The following ANKRD45 variants were observed in gnomAD, a reference collection of about 807,000 sequenced individuals.
The protein encoded by ANKRD45 is ankyrin repeat domain-containing protein 45.
In ANKRD45, 21 loss-of-function variants were observed where a neutral mutation model predicts 28.1. The ratio of observed to expected loss-of-function variants is 0.75; its 90% confidence interval spans 0.53 to 1.08. ANKRD45 has a LOEUF of 1.08. Ranked by LOEUF, ANKRD45 falls within the 50% of genes least tolerant of loss-of-function variation. The pLI, the probability that ANKRD45 is intolerant of heterozygous loss-of-function variation, is 0.00. For missense variants in ANKRD45, 261 were observed against 308.7 expected, an observed-to-expected ratio of 0.85 and a Z score of 1.16; for synonymous variants, 86 against 103.9, an observed-to-expected ratio of 0.83 and a Z score of 1.05.
intron 2 of ANKRD45, among the ~76,000 whole-genome samples, chr1:173,649,534 A>G (rs374102779): frequency 1.3e-5 from 2 of 151,944 alleles, no homozygotes; most frequent in Admixed American, 1.3e-4. Flanking sequence ...CTATTTTTCT[A>G]TTGGGTTGAA....
chr1:173,679,774 G>A, the ANKRD45 span, among the ~76,000 whole-genome samples: 3 of 152,156 alleles, frequency 2.0e-5, no homozygotes, highest in Admixed American at 2.0e-4. Flanking sequence ...CAGAATGGGA[G>A]AAAATTTTTG....
chr1:173,696,773 A>T, the ANKRD45 span, among the ~76,000 whole-genome samples: 12 of 152,172 alleles, frequency 7.9e-5, no homozygotes, highest in African/African-American at 2.9e-4. Flanking sequence ...TTGGTTTCAT[A>T]TGAATTTAAG....
At chr1:173,642,226 T>C (rs1252756839) in intron 3 of ANKRD45, among the ~76,000 whole-genome samples, 1 of 152,230 alleles carries the variant, frequency 6.6e-6, no homozygotes, top group Non-Finnish European at 1.5e-5. Flanking sequence ...AATTCTCACC[T>C]CGTTAGCTCT....
At chr1:173,697,010 T>G in the ANKRD45 span, among the ~76,000 whole-genome samples, 1 of 152,154 alleles carries the variant, frequency 6.6e-6, no homozygotes, top group African/African-American at 2.4e-5. Context: ...AGGAGAACTA[T>G]GTGATGCATG....
At chr1:173,635,427 T>C in intron 3 of ANKRD45, 1 of 932,746 alleles carries the variant, frequency 1.1e-6, no homozygotes, top group Non-Finnish European at 1.6e-6. Context: ...CTTCCCTTCG[T>C]AGGGAATTTA....
intron 5 of ANKRD45, among the ~76,000 whole-genome samples, chr1:173,615,383 C>CA (rs60479508): frequency 0.044 from 3,808 of 87,404 alleles, 182 homozygotes; most frequent in African/African-American, 0.13. Flanking sequence ...GACTCCGTCT[C>CA]AAAAAAAAAA....
At position 173,616,487 on chromosome 1, in the gene ANKRD45, G is replaced by A. The variant is rs190611441; in HGVS notation, c.731-6272C>T. On this transcript the variant is annotated intron_variant, in intron 5 of 5. Coordinates refer to ENST00000333279, the MANE Select transcript of ANKRD45 (RefSeq NM_198493.3). ...GGTAAAACTCGAAAGTTAGATAAGGGTGATAATTACACAACTTTGTGAATA... is the reference window on the plus strand; with the variant it reads ...GGTAAAACTCGAAAGTTAGATAAGGATGATAATTACACAACTTTGTGAATA... Among the ~76,000 whole-genome samples the A allele has an allele frequency of 8.5e-5, 13 of 152,232 alleles. No individual in the cohort carries two copies. The East Asian group carries it at 2.5e-3, about 29-fold the overall frequency.
intron 5 of ANKRD45, among the ~76,000 whole-genome samples, chr1:173,623,871 AC>A (rs1667810462): frequency 6.7e-6 from 1 of 149,276 alleles, no homozygotes; most frequent in East Asian, 2.0e-4. Flanking sequence ...AGAAAACCAA[AC>A]ACTGTATGTT....
intron 5 of ANKRD45, among the ~76,000 whole-genome samples, chr1:173,614,154 C>G (rs2102310949): frequency 6.6e-6 from 1 of 152,232 alleles, no homozygotes; most frequent in East Asian, 1.9e-4. Flanking sequence ...GGTCCTCTGC[C>G]TAGGAAAACC....
intron 5 of ANKRD45, chr1:173,612,738 G>C (rs867431728): frequency 6.3e-6 from 1 of 158,302 alleles, no homozygotes; most frequent in South Asian, 1.9e-4. Context: ...TTGCAGGCGC[G>C]CGCCGCCACG....
chr1:173,644,293 T>C (rs1266172046), intron 3 of ANKRD45, among the ~76,000 whole-genome samples: 1 of 152,174 alleles, frequency 6.6e-6, no homozygotes, highest in East Asian at 1.9e-4. Context: ...GTTTCTGACA[T>C]TCCACAGCTA....
chr1:173,686,669 G>T, the ANKRD45 span, among the ~76,000 whole-genome samples: 60 of 152,272 alleles, frequency 3.9e-4, no homozygotes, highest in African/African-American at 1.3e-3. Context: ...TAAATGTGGA[G>T]ACATCAGCAG....
At chr1:173,657,346 T>C (rs1237996750) in intron 2 of ANKRD45, 1 of 306,354 alleles carries the variant, frequency 3.3e-6, no homozygotes, top group South Asian at 2.5e-5. Context: ...TGCATGCCTG[T>C]AATCCCAGCT....
the ANKRD45 span, among the ~76,000 whole-genome samples, chr1:173,682,722 CAT>C: frequency 6.7e-6 from 1 of 148,694 alleles, no homozygotes; most frequent in Non-Finnish European, 1.5e-5. Context: ...CACACACACA[CAT>C]CTTGGATGTT....
At chr1:173,669,746 G>A in intron 1 of ANKRD45, 71 bp downstream of exon 1, 1 of 265,744 alleles carries the variant, frequency 3.8e-6, no homozygotes, top group Non-Finnish European at 8.1e-6. Context: ...GAGGGAAGAT[G>A]TCCGTCTACC....
intron 1 of ANKRD45, among the ~76,000 whole-genome samples, chr1:173,662,679 A>G (rs1669829723): frequency 6.6e-6 from 1 of 152,208 alleles, no homozygotes; most frequent in African/African-American, 2.4e-5. Flanking sequence ...CACCTAGAGG[A>G]TACCAGTGAT....
chr1:173,694,351 G>C, the ANKRD45 span, among the ~76,000 whole-genome samples: 4 of 151,862 alleles, frequency 2.6e-5, no homozygotes, highest in Admixed American at 2.6e-4. Context: ...TTTTAGTAGA[G>C]ACAGGGTTTC....
chr1:173,657,961 G>T (rs958067244), intron 2 of ANKRD45: 2 of 152,004 alleles, frequency 1.3e-5, no homozygotes, highest in African/African-American at 4.8e-5. Context: ...TTCAGACATA[G>T]AGTGATGCTG....
chr1:173,628,641 A>G (rs1027176756), intron 3 of ANKRD45, among the ~76,000 whole-genome samples: 1 of 152,158 alleles, frequency 6.6e-6, no homozygotes, highest in African/African-American at 2.4e-5. Context: ...CTAGATTCCT[A>G]AGGTTCTTGA....
Sources: gnomAD v4.1 joint callset for allele counts (sites outside exome capture counted in the v4.1 genomes callset) on GRCh38, gnomAD v4.1.1 for gene constraint, MANE v1.5 for transcripts, NCBI Gene and HGNC (gene_info 2026-07-23, HGNC 2026-07-21) for gene names.